Variants in NOVA2 observed in about 807,000 individuals in gnomAD.
NOVA2 encodes the protein NOVA alternative splicing regulator 2, also known as RNA-binding protein Nova-2.
A neutral mutation model predicts 22.5 loss-of-function variants in NOVA2; 9 were observed. The observed-to-expected ratio is 0.40, with a 90% confidence interval of 0.24 to 0.70. The LOEUF is 0.70. NOVA2 is among the 30% of genes least tolerant of loss of function. The pLI is 0.38. For missense variants in NOVA2, 383 were observed against 682.8 expected (o/e 0.56, Z 4.89); for synonymous variants, 318 against 335.2 (o/e 0.95, Z 0.56).
intron 3 of NOVA2, among the ~76,000 whole-genome samples, chr19:45,946,266 C>T (rs943132631): frequency 1.3e-5 from 2 of 152,130 alleles, no homozygotes; most frequent in African/African-American, 4.8e-5. Context: ...GGCATCACTA[C>T]ACTCCAGTCT....
intron 3 of NOVA2, among the ~76,000 whole-genome samples, chr19:45,946,626 C>T (rs925122532): frequency 1.3e-5 from 2 of 152,262 alleles, no homozygotes; most frequent in East Asian, 1.9e-4. Context: ...GTAATCCCAG[C>T]GCTTTGGGAG....
At position 45,939,995 on chromosome 19, in the gene NOVA2, C is replaced by T. The variant is rs1456757172; in HGVS notation, c.1347G>A (p.Leu449=). ...RIQISKKGEF[L]PGTRNRRVTI... ...TGACCCGCCGGTTCCGCGTGCCTGG[C>T]AGGAACTCGCCCTTCTTGGAGATCT... Residue 449 remains leucine, a synonymous_variant, in exon 4 of 4, where the codon CTG becomes CTA. Transcript: ENST00000263257. The T allele has an allele frequency of 1.9e-6, 3 of 1,614,012 alleles. No homozygotes were observed. Among genetic ancestry groups the T allele is most frequent in the Non-Finnish European group, 2.5e-6 (3 of 1,180,002 alleles).
Position 45,940,370 on chromosome 19 carries a change from G to A in NOVA2, c.972C>T (p.Ala324=), listed in dbSNP as rs1361657882. The A allele has an allele frequency of 7.3e-7, 1 of 1,369,328 alleles. No individual in the cohort carries two copies. 84.8% of individuals were successfully genotyped at this position (1,369,328 alleles called of 1,614,324 possible). The change falls in exon 4 of 4, where the codon GCC becomes GCT. Residue 324 remains alanine, a synonymous_variant. Coordinates refer to ENST00000263257, the MANE Select transcript of NOVA2 (RefSeq NM_002516.4). The part of the protein sequence containing the change: ...AGANPAAAAA[A]NLLASYAGEA... Reference sequence around the variant, plus strand: ...CGCCCGCGTAGGATGCCAGGAGGTTGGCGGCGGCGGCGGCTGCTGGGTTGG... The same window carrying A: ...CGCCCGCGTAGGATGCCAGGAGGTTAGCGGCGGCGGCGGCTGCTGGGTTGG...
intron 1 of NOVA2, 44 bp downstream of exon 1, chr19:45,973,223 G>GC (rs1968257304): frequency 2.5e-6 from 3 of 1,188,562 alleles, no homozygotes; most frequent in South Asian, 1.6e-5. Flanking sequence ...GAAAGGCGAG[G>GC]CCCCCTGCCC....
At chr19:45,958,523 G>A (rs1968044190) in intron 2 of NOVA2, among the ~76,000 whole-genome samples, 2 of 135,554 alleles carry the variant, frequency 1.5e-5, no homozygotes. Context: ...GTGTGACAAT[G>A]TGTGACAGTG....
At position 45,948,566 on chromosome 19, in the gene NOVA2, C is replaced by G. The variant is rs534161848; in HGVS notation, c.396+5214G>C. Among the ~76,000 whole-genome samples the G allele has an allele frequency of 2.1e-5, 3 of 145,890 alleles. 1 individual carries two copies. The highest frequency in any genetic ancestry group is 7.7e-5 in the African/African-American group (3 of 39,024). ...AGTGAGCCGAGATTGCGCCATTGCA[C>G]TCCAGCCTGGGGGACGGAGGGAGAC... On this transcript the variant is annotated intron_variant, in intron 3 of 3. Transcript: ENST00000263257.
At position 45,940,180 on chromosome 19, in the gene NOVA2, C is replaced by A; in HGVS notation, c.1162G>T (p.Ala388Ser). The change falls in exon 4 of 4, where the codon GCC becomes TCC. Residue 388 changes from alanine to serine, a missense_variant. Physicochemically the swap from Ala to Ser is moderately conservative, Grantham distance 99 (BLOSUM62 1). This residue lies in a region of NOVA2 where 349 missense variants were observed against 578.1 expected (regional missense o/e 0.60). Coordinates refer to ENST00000263257, the MANE Select transcript of NOVA2 (RefSeq NM_002516.4). Reference protein sequence around the residue: ...GGPLVAAAAAAGAAGGFLTAE... With the variant: ...GGPLVAAAAASGAAGGFLTAE... ...GTCAGGAAGCCCCCGGCCGCCCCGG[C>A]CGCGGCTGCAGCGGCCACCAGCGGG... The A allele has an allele frequency of 2.5e-6, 4 of 1,588,728 alleles. No individual in the cohort carries two copies. Among genetic ancestry groups the A allele is most frequent in the Non-Finnish European group, 3.4e-6 (4 of 1,173,326 alleles).
chr19:45,940,784 G>A lies in NOVA2; in HGVS notation c.558C>T (p.Pro186=), dbSNP rs749748282. 6 of 1,607,566 alleles carry A rather than the reference G, an allele frequency of 3.7e-6. No individual in the cohort carries two copies. Among genetic ancestry groups the A allele is most frequent in the African/African-American group, 1.3e-5 (1 of 74,902 alleles). ...QERVVTVSGE[P]EQVHKAVSAI... Reference sequence around the variant, plus strand: ...CGCTCACGGCCTTGTGCACCTGCTCGGGCTCGCCGCTGACCGTCACCACGC... The same window carrying A: ...CGCTCACGGCCTTGTGCACCTGCTCAGGCTCGCCGCTGACCGTCACCACGC... The change falls in exon 4 of 4, where the codon CCC becomes CCT. Residue 186 remains proline (P), a synonymous_variant. Transcript: ENST00000263257.
chr19:45,939,672 AG>A lies in NOVA2; in HGVS notation c.*190del. On this transcript the variant is annotated 3_prime_UTR_variant, in exon 4 of 4. Coordinates refer to ENST00000263257, the MANE Select transcript of NOVA2 (RefSeq NM_002516.4). ...TTCCGGGCTGGGGAGGGGGCTTCTG[AG>A]CCCCCTTCCCAACCGTCACTCAATC... 1.5e-6 allele frequency: 1 copy of A among 681,956 alleles called. No homozygotes were observed. Among genetic ancestry groups the A allele is most frequent in the Admixed American group, 3.0e-5 (1 of 33,078 alleles). 42.2% of individuals were successfully genotyped at this position (681,956 alleles called of 1,614,324 possible). A position where few individuals can be genotyped will look rare whatever the true frequency, so the allele number is the denominator to read the frequency against.
At chr19:45,964,437 G>A (rs1488453494) in intron 1 of NOVA2, among the ~76,000 whole-genome samples, 6 of 148,650 alleles carry the variant, frequency 4.0e-5, no homozygotes, top group Non-Finnish European at 7.4e-5. Flanking sequence ...TGTTAGCCAG[G>A]CTAACATGTG....
At chr19:45,963,001 C>G (rs1165718918) in intron 1 of NOVA2, among the ~76,000 whole-genome samples, 1 of 152,028 alleles carries the variant, frequency 6.6e-6, no homozygotes, top group East Asian at 1.9e-4. Context: ...AATGTAGTCT[C>G]AAGGCAAGCA....
At chr19:45,972,781 CCACGCACGATCCGGCCAGGGCCA>C (rs1358423200) in intron 1 of NOVA2, among the ~76,000 whole-genome samples, 8 of 152,138 alleles carry the variant, frequency 5.3e-5, no homozygotes, top group Non-Finnish European at 1.0e-4. Flanking sequence ...CAGCCTGTCC[CCACGCACGATCCGGCCAGGGCCA>C]CACAAGCCTC....
In NOVA2 at chr19:45,939,264, A is replaced by T. The variant is rs1257586659; in HGVS notation, c.*599T>A. On this transcript the variant is annotated 3_prime_UTR_variant, in exon 4 of 4. Transcript: ENST00000263257. ...TCCAGTGGGAGGAGAGTAGCTGAGAAGATCTGGGAACTCTGGGGTCCTTGC... is the reference window on the plus strand; with the variant it reads ...TCCAGTGGGAGGAGAGTAGCTGAGATGATCTGGGAACTCTGGGGTCCTTGC... 2.6e-5 allele frequency: 4 copies of T among 152,184 alleles called. No homozygotes were observed. Among genetic ancestry groups the T allele is most frequent in the African/African-American group, 9.7e-5 (4 of 41,406 alleles). 9.4% of individuals were successfully genotyped at this position (152,184 alleles called of 1,614,324 possible).
chr19:45,947,984 T>A (rs921394889), intron 3 of NOVA2, among the ~76,000 whole-genome samples: 10 of 152,018 alleles, frequency 6.6e-5, no homozygotes, highest in Non-Finnish European at 1.5e-4. Flanking sequence ...TGAGACTCAG[T>A]TTTCTCATCT....
At chr19:45,951,905 T>C (rs1306413442) in intron 3 of NOVA2, among the ~76,000 whole-genome samples, 3 of 152,228 alleles carry the variant, frequency 2.0e-5, no homozygotes, top group African/African-American at 7.2e-5. Flanking sequence ...AGCACTATGT[T>C]CATGTTCCCA....
In NOVA2 at chr19:45,947,470, GT is replaced by G. The variant is rs5828256; in HGVS notation, c.396+6309del. ...GATTTGTAAAATGTGAAGCACCCTA[GT>G]TTTTTTTTTTTCTTTTTTTTGAGAC... On this transcript the variant is annotated intron_variant, in intron 3 of 3. Coordinates refer to ENST00000263257, the MANE Select transcript of NOVA2 (RefSeq NM_002516.4). 7.5e-3 allele frequency among the ~76,000 whole-genome samples: 1,100 copies of G among 147,344 alleles called. 22 individuals are homozygous for G. Among genetic ancestry groups the G allele is most frequent in the African/African-American group, 0.026 (1,037 of 40,018 alleles).
chr19:45,961,738 G>A (rs1044236004), intron 1 of NOVA2, among the ~76,000 whole-genome samples: 12 of 152,178 alleles, frequency 7.9e-5, no homozygotes, highest in African/African-American at 2.9e-4. Context: ...GGAAACAAAG[G>A]TGAAGAAATC....
At chr19:45,968,664 C>T (rs531102336) in intron 1 of NOVA2, among the ~76,000 whole-genome samples, 11 of 152,204 alleles carry the variant, frequency 7.2e-5, no homozygotes, top group Admixed American at 2.0e-4. Context: ...CTATGTGCTT[C>T]ACATATGCAA....
chr19:45,939,728 C>G lies in NOVA2; in HGVS notation c.*135G>C, dbSNP rs1967714367. 1 of 1,103,200 alleles carries G rather than the reference C, an allele frequency of 9.1e-7. No individual in the cohort carries two copies. Among genetic ancestry groups the G allele is most frequent in the African/African-American group, 1.6e-5 (1 of 63,290 alleles). The allele number at this position is 1,103,200 out of a possible 1,614,324, so 68.3% of individuals were successfully genotyped here. A position where few individuals can be genotyped will look rare whatever the true frequency, so the allele number is the denominator to read the frequency against. ...CTATGACTACCAGAAGGGGAGGGTG[C>G]AGTCGGGCCTACCCCAGCCCCATCC... On this transcript the variant is annotated 3_prime_UTR_variant, in exon 4 of 4. Coordinates refer to ENST00000263257, the MANE Select transcript of NOVA2 (RefSeq NM_002516.4).
Sources: allele counts gnomAD v4.1 joint callset (sites outside exome capture counted in the v4.1 genomes callset), GRCh38; gene constraint gnomAD v4.1.1; regional missense constraint gnomAD v4.1.1; transcripts MANE v1.5; gene names NCBI Gene and HGNC (gene_info 2026-07-23, HGNC 2026-07-21).